The following H2AZ2 variants were observed in gnomAD, a reference collection of about 807,000 sequenced individuals.
The protein encoded by H2AZ2 is H2A.Z variant histone 2, also known as histone H2A.V.
In H2AZ2, 5 loss-of-function variants were observed where a neutral mutation model predicts 15.5. That is an observed-to-expected ratio of 0.32 (90% CI 0.17 to 0.68). H2AZ2 has a LOEUF of 0.68. H2AZ2 is among the 30% of genes least tolerant of loss of function. The pLI is 0.72. For synonymous variants in H2AZ2, 44 were observed against 57.4 expected, an observed-to-expected ratio of 0.77 and a Z score of 1.05; for missense variants, 42 against 162.5, an observed-to-expected ratio of 0.26 and a Z score of 4.03.
intron 3 of H2AZ2, among the ~76,000 whole-genome samples, chr7:44,838,727 T>C (rs929756599): frequency 1.3e-5 from 2 of 152,192 alleles, no homozygotes; most frequent in African/African-American, 4.8e-5. Flanking sequence ...AAACTATCCA[T>C]AACATCCATA....
Position 44,834,088 on chromosome 7 carries a change from C to CT in H2AZ2, c.*412_*413insA, listed in dbSNP as rs1327845162. On this transcript the variant is annotated 3_prime_UTR_variant, in exon 5 of 5. Coordinates refer to ENST00000308153, the MANE Select transcript of H2AZ2 (RefSeq NM_012412.5). ...TCAATAGCATCTAAGAGTCAATATA[C>CT]CATGGTATCAATCATTGTAAAGATA... 1.2e-6 allele frequency: 1 copy of CT among 865,478 alleles called. No individual in the cohort carries two copies. Among genetic ancestry groups the CT allele is most frequent in the African/African-American group, 1.8e-5 (1 of 54,662 alleles). 53.6% of individuals were successfully genotyped at this position (865,478 alleles called of 1,614,324 possible). A position where few individuals can be genotyped will look rare whatever the true frequency, so the allele number is the denominator to read the frequency against.
rs1051597940 is a variant in H2AZ2, at chr7:44,848,013, C to T, written c.-42G>A. On this transcript the variant is annotated 5_prime_UTR_variant, in exon 1 of 5. Transcript: ENST00000308153. ...CCGCCTCCGCTCGGCCGCGCGCCCT[C>T]CCGCTGCCGACCCGCGCCGCCGCCG... 2.3e-6 allele frequency: 3 copies of T among 1,278,162 alleles called. No homozygotes were observed. Among genetic ancestry groups the T allele is most frequent in the Non-Finnish European group, 3.0e-6 (3 of 1,008,158 alleles). The allele number at this position is 1,278,162 out of a possible 1,614,324, so 79.2% of individuals were successfully genotyped here.
rs57468916 is a variant in H2AZ2, at chr7:44,846,062, C to CACACACACAGAGAGAG, written c.3+1906_3+1907insCTCTCTCTGTGTGTGT. Among the ~76,000 whole-genome samples, 390 of 75,078 alleles carry CACACACACAGAGAGAG rather than the reference C, an allele frequency of 5.2e-3. 2 individuals are homozygous for CACACACACAGAGAGAG. The highest frequency in any genetic ancestry group is 8.3e-3 in the Non-Finnish European group (261 of 31,572). The allele number at this position is 75,078 out of a possible 152,430, so 49.3% of individuals were successfully genotyped here. A position where few individuals can be genotyped will look rare whatever the true frequency, so the allele number is the denominator to read the frequency against. On this transcript the variant is annotated intron_variant, in intron 1 of 4. Coordinates refer to ENST00000308153, the MANE Select transcript of H2AZ2 (RefSeq NM_012412.5). ...ACACACACACACACACACACACACA[C>CACACACACAGAGAGAG]AGAGAGAGACAGAGAGAGAGAGAGA...
intron 3 of H2AZ2, among the ~76,000 whole-genome samples, chr7:44,839,409 G>T (rs1471781670): frequency 1.3e-5 from 2 of 152,076 alleles, no homozygotes; most frequent in Non-Finnish European, 2.9e-5. Context: ...GGGCGCGGTG[G>T]CTCACGCCTG....
chr7:44,830,154 C>T (rs1417902127), downstream of H2AZ2: 17 of 1,613,662 alleles, frequency 1.1e-5, no homozygotes, highest in Admixed American at 1.7e-5. Flanking sequence ...CTAAGAACAC[C>T]TTCTCTTCTC....
downstream of H2AZ2, chr7:44,828,272 T>C (rs1583706909): frequency 6.6e-6 from 1 of 152,198 alleles, no homozygotes; most frequent in Admixed American, 6.5e-5. Context: ...CCTGCAGCAG[T>C]CTTCTAAGTG....
chr7:44,844,380 G>A (rs1006687943), intron 1 of H2AZ2, among the ~76,000 whole-genome samples: 2 of 152,174 alleles, frequency 1.3e-5, no homozygotes, highest in African/African-American at 2.4e-5. Flanking sequence ...CTACTTATGA[G>A]GTCCCTAAAA....
chr7:44,841,926 TCTTTC>T (rs1180910038), intron 2 of H2AZ2, among the ~76,000 whole-genome samples: 2 of 152,238 alleles, frequency 1.3e-5, no homozygotes, highest in Non-Finnish European at 2.9e-5. Flanking sequence ...CTAGACAGTC[TCTTTC>T]CAAAGACTGA....
Position 44,833,302 on chromosome 7 carries a change from G to A in H2AZ2, c.*1199C>T, listed in dbSNP as rs1793036871. ...AGCTGGAGTGCAGTGGCGCCATCTT[G>A]GCTCACTGCAAGCTCCGCCTCCCGG... On this transcript the variant is annotated 3_prime_UTR_variant, in exon 5 of 5. Transcript: ENST00000308153. Among the ~76,000 whole-genome samples the A allele has an allele frequency of 6.6e-6, 1 of 152,092 alleles. No individual in the cohort carries two copies. Among genetic ancestry groups the A allele is most frequent in the Non-Finnish European group, 1.5e-5 (1 of 68,010 alleles).
At chr7:44,846,068 G>GAC (rs1562790127) in intron 1 of H2AZ2, among the ~76,000 whole-genome samples, 1 of 133,094 alleles carries the variant, frequency 7.5e-6, no homozygotes, top group African/African-American at 2.8e-5. Context: ...CACACAGAGA[G>GAC]AGACAGAGAG....
chr7:44,843,659 A>G (rs1306284157), intron 1 of H2AZ2, among the ~76,000 whole-genome samples: 1 of 152,180 alleles, frequency 6.6e-6, no homozygotes, highest in Non-Finnish European at 1.5e-5. Flanking sequence ...CCTGGGCTCA[A>G]GCGATTCTCC....
rs1164696430 is a variant in H2AZ2, at chr7:44,846,620, C to A, written c.3+1349G>T. On this transcript the variant is annotated intron_variant, in intron 1 of 4. Transcript: ENST00000308153. ...TGAGACTCCGTCTCAAAAAAAAAAA[C>A]CACAAAAAACCACAAAAAACAAACA... 6.4e-5 allele frequency among the ~76,000 whole-genome samples: 9 copies of A among 140,800 alleles called. No individual in the cohort carries two copies. In the East Asian group the frequency reaches 8.0e-4, roughly 12 times the overall value. The allele number at this position is 140,800 out of a possible 152,430, so 92.4% of individuals were successfully genotyped here.
chr7:44,838,342 A>G (rs1006790035), intron 3 of H2AZ2, among the ~76,000 whole-genome samples: 5 of 151,970 alleles, frequency 3.3e-5, no homozygotes, highest in African/African-American at 9.7e-5. Flanking sequence ...AAAAATTTTT[A>G]AAAATAAAAG....
At chr7:44,830,418 TAA>T (rs774587125), downstream of H2AZ2, among the ~76,000 whole-genome samples, 6 of 152,224 alleles carry the variant, frequency 3.9e-5, no homozygotes, top group Admixed American at 1.3e-4. Flanking sequence ...AAATGTTTCA[TAA>T]AGAGTCAGAT....
intron 1 of H2AZ2, among the ~76,000 whole-genome samples, chr7:44,847,451 A>G (rs1383071453): frequency 1.3e-5 from 2 of 152,192 alleles, no homozygotes; most frequent in African/African-American, 4.8e-5. Context: ...CCTAGAACAA[A>G]TCGTGTGGTT....
chr7:44,840,319 G>A (rs1047421797), intron 3 of H2AZ2, among the ~76,000 whole-genome samples: 1 of 152,166 alleles, frequency 6.6e-6, no homozygotes, highest in Non-Finnish European at 1.5e-5. Context: ...CAGGACTCAA[G>A]TGTACAATCT....
At position 44,837,433 on chromosome 7, in the gene H2AZ2, G is replaced by GAA. The variant is rs71011996; in HGVS notation, c.196-1777_196-1776dup. ...GCAAGACTCTCAAAAAAAAAAAAAA[G>GAA]AAAAAAAAAAAAAAAAAAAAAGTTG... On this transcript the variant is annotated intron_variant, in intron 3 of 4. Transcript: ENST00000308153. Among the ~76,000 whole-genome samples, 108 of 87,292 alleles carry GAA rather than the reference G, an allele frequency of 1.2e-3. 1 individual carries two copies. The highest frequency in any genetic ancestry group is 4.6e-3 in the African/African-American group (106 of 23,162). 57.3% of individuals were successfully genotyped at this position (87,292 alleles called of 152,430 possible). A position where few individuals can be genotyped will look rare whatever the true frequency, so the allele number is the denominator to read the frequency against.
At chr7:44,830,027 C>A, downstream of H2AZ2, 1 of 863,644 alleles carries the variant, frequency 1.2e-6, no homozygotes, top group East Asian at 2.6e-5. Flanking sequence ...AAGCAAATGT[C>A]CTTGTTCAGC....
intron 1 of H2AZ2, among the ~76,000 whole-genome samples, chr7:44,846,023 T>TCACACACA (rs1793389201): frequency 2.6e-5 from 1 of 38,348 alleles, no homozygotes; most frequent in Non-Finnish European, 5.6e-5. Flanking sequence ...TTTTAAAAAA[T>TCACACACA]TACACACACA....
Sources: gnomAD v4.1 joint callset for allele counts (sites outside exome capture counted in the v4.1 genomes callset) on GRCh38, gnomAD v4.1.1 for gene constraint, MANE v1.5 for transcripts, NCBI Gene and HGNC (gene_info 2026-07-23, HGNC 2026-07-21) for gene names.